SPIDR: variants seen among roughly 807,000 people sequenced by gnomAD.
SPIDR encodes DNA repair-scaffolding protein.
SPIDR carries 93 observed loss-of-function variants against 104.6 expected under a neutral mutation model. The ratio of observed to expected loss-of-function variants is 0.89; its 90% CI spans 0.75 to 1.06. The LOEUF (loss-of-function observed/expected upper bound fraction) is 1.06, where lower values mean the gene tolerates loss of function less well. SPIDR is among the 50% of genes least tolerant of loss of function. SPIDR has a pLI of 0.00. For missense variants in SPIDR, 1,154 were observed against 1,111.2 expected (o/e 1.04, Z -0.55); for synonymous variants, 431 against 416.9 (o/e 1.03, Z -0.41).
At chr8:47,320,325 C>T (rs1203507591) in intron 5 of SPIDR, among the ~76,000 whole-genome samples, 7 of 152,074 alleles carry the variant, frequency 4.6e-5, no homozygotes, top group East Asian at 1.9e-4. Flanking sequence ...AACACCTCTA[C>T]GCAAATAAAC....
chr8:47,340,388 T>G (rs1346305783), intron 5 of SPIDR, among the ~76,000 whole-genome samples: 7 of 151,986 alleles, frequency 4.6e-5, no homozygotes, highest in African/African-American at 1.7e-4. Flanking sequence ...GTAGATCACT[T>G]GAGGTCAGGA....
chr8:47,709,228 C>T (rs563409950), intron 14 of SPIDR, among the ~76,000 whole-genome samples: 7 of 152,296 alleles, frequency 4.6e-5, no homozygotes, highest in African/African-American at 1.7e-4. Context: ...GCAACCTCCA[C>T]CTCCCAGGTT....
intron 10 of SPIDR, among the ~76,000 whole-genome samples, chr8:47,641,027 A>T (rs2154447004): frequency 6.6e-6 from 1 of 151,154 alleles, no homozygotes; most frequent in East Asian, 1.9e-4. Flanking sequence ...TGTGATTTTT[A>T]AAAGGAAATT....
chr8:47,732,207 C>T (rs1271118031), intron 19 of SPIDR: 1 of 702,438 alleles, frequency 1.4e-6, no homozygotes, highest in African/African-American at 1.7e-5. Context: ...CTTGTTCCTC[C>T]TACACATTTA....
intron 16 of SPIDR, among the ~76,000 whole-genome samples, chr8:47,718,490 T>G (rs1475964585): frequency 6.6e-6 from 1 of 152,076 alleles, no homozygotes; most frequent in Non-Finnish European, 1.5e-5. Context: ...ATGCTTAAAC[T>G]ACTTATCTTT....
intron 17 of SPIDR, among the ~76,000 whole-genome samples, chr8:47,727,514 A>C (rs540824925): frequency 6.6e-6 from 1 of 152,222 alleles, no homozygotes; most frequent in East Asian, 1.9e-4. Context: ...TATGAGATAG[A>C]TGTGCTGGGT....
chr8:47,480,805 A>G (rs1227101788), intron 8 of SPIDR, among the ~76,000 whole-genome samples: 1 of 152,228 alleles, frequency 6.6e-6, no homozygotes, highest in African/African-American at 2.4e-5. Context: ...CTGAGGCCCT[A>G]TGAGAGGTTT....
At chr8:47,533,660 A>G (rs1014505484) in intron 8 of SPIDR, among the ~76,000 whole-genome samples, 17 of 152,164 alleles carry the variant, frequency 1.1e-4, no homozygotes, top group South Asian at 4.2e-4. Flanking sequence ...CATATGGGGG[A>G]AAAAAAACCT....
At chr8:47,337,125 G>A (rs1453905839) in intron 5 of SPIDR, among the ~76,000 whole-genome samples, 1 of 151,996 alleles carries the variant, frequency 6.6e-6, no homozygotes, top group African/African-American at 2.4e-5. Flanking sequence ...TGTGTGTTTT[G>A]TTTGGTTTTG....
chr8:47,266,507 A>G (rs782424917), intron 1 of SPIDR, among the ~76,000 whole-genome samples: 2 of 152,196 alleles, frequency 1.3e-5, no homozygotes, highest in Non-Finnish European at 2.9e-5. Context: ...ATTAACATTT[A>G]TTATTGAAGG....
intron 16 of SPIDR, among the ~76,000 whole-genome samples, chr8:47,724,400 A>C (rs1369413233): frequency 6.6e-6 from 1 of 152,210 alleles, no homozygotes; most frequent in African/African-American, 2.4e-5. Flanking sequence ...CCCACCAGCC[A>C]CAGGTCTGCC....
intron 3 of SPIDR, among the ~76,000 whole-genome samples, chr8:47,288,744 C>G (rs2039345659): frequency 6.6e-6 from 1 of 152,184 alleles, no homozygotes; most frequent in African/African-American, 2.4e-5. Flanking sequence ...GAACAATAGG[C>G]CACTTCAGTA....
rs1186187617 is a variant in SPIDR, at chr8:47,360,244, C to CAAAA, written c.526-36108_526-36105dup. 2.0e-3 allele frequency among the ~76,000 whole-genome samples: 78 copies of CAAAA among 38,928 alleles called. 3 individuals carry two copies. Among genetic ancestry groups the CAAAA allele is most frequent in the African/African-American group, 7.3e-3 (57 of 7,862 alleles). 25.5% of individuals were successfully genotyped at this position (38,928 alleles called of 152,430 possible). A position where few individuals can be genotyped will look rare whatever the true frequency, so the allele number is the denominator to read the frequency against. ...GCAACAACAGAATGAGACTCCATCT[C>CAAAA]AAAAAAAAAAAAAAAAAAAAAAAAA... On this transcript the variant is annotated intron_variant, in intron 5 of 19. Transcript: ENST00000297423.
intron 8 of SPIDR, among the ~76,000 whole-genome samples, chr8:47,502,504 T>A (rs1477117605): frequency 1.3e-5 from 2 of 152,238 alleles, no homozygotes; most frequent in Non-Finnish European, 1.5e-5. Context: ...TATCATTTTT[T>A]ATTGCGTCTA....
intron 7 of SPIDR, among the ~76,000 whole-genome samples, chr8:47,435,687 G>A (rs1390463320): frequency 6.6e-6 from 1 of 152,184 alleles, no homozygotes; most frequent in Non-Finnish European, 1.5e-5. Context: ...TTCAGTGCAA[G>A]TTCTGTTGAA....
At chr8:47,646,414 A>T (rs565147749) in intron 10 of SPIDR, among the ~76,000 whole-genome samples, 14 of 152,304 alleles carry the variant, frequency 9.2e-5, no homozygotes, top group African/African-American at 2.9e-4. Context: ...CAGCACTTCT[A>T]CTTCTTGGAA....
intron 8 of SPIDR, among the ~76,000 whole-genome samples, chr8:47,502,169 G>A (rs1018261501): frequency 1.3e-5 from 2 of 152,188 alleles, no homozygotes; most frequent in African/African-American, 4.8e-5. Context: ...ATGAGTTAGG[G>A]ACGATTCCCT....
chr8:47,319,754 C>A (rs1159872041), intron 5 of SPIDR, among the ~76,000 whole-genome samples: 1 of 152,118 alleles, frequency 6.6e-6, no homozygotes, highest in African/African-American at 2.4e-5. Context: ...GTCTCTCAGA[C>A]CACAGTGCAA....
intron 8 of SPIDR, among the ~76,000 whole-genome samples, chr8:47,518,675 C>T (rs1251501606): frequency 5.3e-5 from 8 of 149,744 alleles, no homozygotes; most frequent in Non-Finnish European, 8.9e-5. Flanking sequence ...CTTGCTCTGT[C>T]GCCCAGGCTG....
Sources: gnomAD v4.1 joint callset for allele counts (sites outside exome capture counted in the v4.1 genomes callset) on GRCh38, gnomAD v4.1.1 for gene constraint, MANE v1.5 for transcripts, NCBI Gene and HGNC (gene_info 2026-07-23, HGNC 2026-07-21) for gene names.